The following WDR11 variants were observed in gnomAD, a reference collection of about 807,000 sequenced individuals.
WDR11 encodes WD repeat-containing protein 11.
A neutral mutation model predicts 151.2 loss-of-function variants in WDR11; 83 were observed. The observed-to-expected ratio is 0.55, with a 90% CI of 0.46 to 0.66. The LOEUF (loss-of-function observed/expected upper bound fraction) is 0.66, where lower values mean the gene tolerates loss of function less well. Ranked by LOEUF, WDR11 falls within the 30% of genes least tolerant of loss-of-function variation. The pLI is 0.00. For missense variants in WDR11, 1,301 were observed against 1,480.9 expected (o/e 0.88, Z 1.99); for synonymous variants, 484 against 533.1 (o/e 0.91, Z 1.27).
rs564633409 is a variant in WDR11, at chr10:120,890,154, T to G, written c.2343+145T>G. 35 of 642,626 alleles carry G rather than the reference T, an allele frequency of 5.4e-5. No homozygotes were observed. The African/African-American group carries it at 5.5e-4, about 10-fold the overall frequency. 39.8% of individuals were successfully genotyped at this position (642,626 alleles called of 1,614,324 possible). ...CCATAACAAATTATTTTCTTTACTT[T>G]ACAGTATTTGTGTTCTAAAGGTAAC... is the stretch of plus-strand genomic sequence containing the variant. On this transcript the variant is annotated intron_variant, in intron 18 of 28. Transcript: ENST00000263461.
chr10:120,890,886 C>A lies in WDR11; in HGVS notation c.2514C>A (p.Thr838=). 3 of 1,614,080 alleles carry A rather than the reference C, an allele frequency of 1.9e-6. No individual in the cohort carries two copies. Among genetic ancestry groups the A allele is most frequent in the Non-Finnish European group, 2.5e-6 (3 of 1,179,996 alleles). The part of the protein sequence containing the change: ...ACFRMDEQEL[T]EPVWCPYLLV... ...TTAGAATGGATGAACAAGAGTTAAC[C>A]GGTATGGAATCCTAATGATAGGGGG... Residue 838 remains threonine (T), a splice_region_variant and synonymous_variant, in exon 19 of 29, where the codon ACC becomes ACA. Coordinates refer to ENST00000263461, the MANE Select transcript of WDR11 (RefSeq NM_018117.12).
In WDR11 at chr10:120,866,935, AC is replaced by A. The variant is rs1368968858; in HGVS notation, c.1191-129del. 1.1e-5 allele frequency: 11 copies of A among 1,041,346 alleles called. No homozygotes were observed. In the Admixed American group the frequency reaches 2.1e-4, roughly 20 times the overall value. The allele number at this position is 1,041,346 out of a possible 1,614,324, so 64.5% of individuals were successfully genotyped here. ...TATGTAAATCTGCTAGAGCTATTTC[AC>A]CTATGGGTAAGATGAATGAATAATA... On this transcript the variant is annotated intron_variant, in intron 8 of 28. Coordinates refer to ENST00000263461, the MANE Select transcript of WDR11 (RefSeq NM_018117.12).
At chr10:120,880,671 G>GA in intron 12 of WDR11, 155 bp from the exon 13 acceptor site, 3 of 709,438 alleles carry the variant, frequency 4.2e-6, no homozygotes, top group South Asian at 1.8e-5. Context: ...AAAAAAACCC[G>GA]AAAAAACAGA....
chr10:120,900,266 A>C, intron 20 of WDR11, 129 bp downstream of exon 20: 1 of 841,172 alleles, frequency 1.2e-6, no homozygotes. Flanking sequence ...GAAGGCAGAG[A>C]CACTACAGAA....
Position 120,885,999 on chromosome 10 carries a change from G to C in WDR11, c.1973+61G>C, listed in dbSNP as rs1198393203. ...CCATTAGCATCATGTCTGGGAAGTT[G>C]ACAAGTATCATCGGAAGGTGTCTAT... is the stretch of plus-strand genomic sequence containing the variant. On this transcript the variant is annotated intron_variant, in intron 15 of 28. Coordinates refer to ENST00000263461, the MANE Select transcript of WDR11 (RefSeq NM_018117.12). 4 of 1,605,996 alleles carry C rather than the reference G, an allele frequency of 2.5e-6. No individual in the cohort carries two copies. In the African/African-American group the frequency reaches 4.0e-5, roughly 16 times the overall value.
In WDR11 at chr10:120,889,123, T is replaced by TA. The variant is rs1564713717; in HGVS notation, c.2167_2168insA (p.Leu723TyrfsTer39). On this transcript the variant is annotated frameshift_variant, in exon 17 of 29. Coordinates refer to ENST00000263461, the MANE Select transcript of WDR11 (RefSeq NM_018117.12). LOFTEE classifies it high-confidence loss of function. ...CTGCATCGCTTGGAAAGGTGATACA[T>TA]TAGTGCTTGGAGATATGGATGGAAA... 4 of 1,614,036 alleles carry TA rather than the reference T, an allele frequency of 2.5e-6. No individual in the cohort carries two copies. In the Admixed American group the frequency reaches 6.7e-5, roughly 27 times the overall value.
chr10:120,878,550 G>T, intron 12 of WDR11, 91 bp downstream of exon 12: 3 of 1,061,832 alleles, frequency 2.8e-6, no homozygotes, highest in South Asian at 2.8e-5. Context: ...TTTCACCTTG[G>T]AATTTTTTTT....
intron 9 of WDR11, among the ~76,000 whole-genome samples, chr10:120,870,829 T>G (rs1466189677): frequency 6.6e-6 from 1 of 152,224 alleles, no homozygotes; most frequent in Non-Finnish European, 1.5e-5. Flanking sequence ...CTGCAGAAAC[T>G]GTTCTCTAAT....
intron 9 of WDR11, among the ~76,000 whole-genome samples, chr10:120,868,170 T>C (rs1653760163): frequency 6.6e-6 from 1 of 152,164 alleles, no homozygotes; most frequent in African/African-American, 2.4e-5. Context: ...AGAAAGAGCA[T>C]TGGCCAGGCG....
intron 27 of WDR11, 66 bp downstream of exon 27, chr10:120,906,087 G>A (rs41317018): frequency 1.2e-4 from 194 of 1,611,518 alleles, no homozygotes; most frequent in Non-Finnish European, 1.5e-4. Flanking sequence ...GTTCTCTCGC[G>A]GTTCTAGCAG....
At chr10:120,887,548 A>G (rs1847264004) in intron 16 of WDR11, among the ~76,000 whole-genome samples, 1 of 152,220 alleles carries the variant, frequency 6.6e-6, no homozygotes, top group Non-Finnish European at 1.5e-5. Context: ...CCATAATTTT[A>G]TAGGTGGCTT....
intron 12 of WDR11, chr10:120,880,171 C>T (rs866923236): frequency 6.6e-6 from 1 of 152,154 alleles, no homozygotes; most frequent in Non-Finnish European, 1.5e-5. Context: ...TCGCACCAGA[C>T]AATTGCTGTA....
At chr10:120,879,614 G>A (rs1482653373) in intron 12 of WDR11, 1 of 152,216 alleles carries the variant, frequency 6.6e-6, no homozygotes, top group Admixed American at 6.5e-5. Flanking sequence ...AACATCTACA[G>A]TAACAGTTAC....
At chr10:120,904,852 G>A in intron 25 of WDR11, 41 bp downstream of exon 25, 2 of 1,611,600 alleles carry the variant, frequency 1.2e-6, no homozygotes. Context: ...TCTGAAAAAT[G>A]AGACCTTGTT....
chr10:120,880,924 A>G, intron 13 of WDR11, 23 bp downstream of exon 13: 1 of 1,565,128 alleles, frequency 6.4e-7, no homozygotes, highest in Non-Finnish European at 8.7e-7. Flanking sequence ...CTAAAAAAAA[A>G]TCTATGGTGT....
chr10:120,902,431 C>A, intron 22 of WDR11, 109 bp downstream of exon 22: 3 of 888,586 alleles, frequency 3.4e-6, no homozygotes, highest in South Asian at 1.5e-5. Context: ...TGTATCAGTT[C>A]ATCCTTTAGA....
intron 2 of WDR11, among the ~76,000 whole-genome samples, chr10:120,857,932 C>A (rs1015571965): frequency 6.6e-6 from 1 of 152,070 alleles, no homozygotes; most frequent in African/African-American, 2.4e-5. Context: ...GTAGTAAATG[C>A]TTTGAAGAAA....
rs1846270635 is a variant in WDR11, at chr10:120,865,214, T to A, written c.879+2T>A. The A allele has an allele frequency of 6.2e-7, 1 of 1,613,458 alleles. No homozygotes were observed. Among genetic ancestry groups the A allele is most frequent in the African/African-American group, 1.3e-5 (1 of 74,942 alleles). ...CGCACAGGAGTTCCATTTTTACAGGTATCTACAATTCATAAATTATATTCC... is the reference window on the plus strand; with the variant it reads ...CGCACAGGAGTTCCATTTTTACAGGAATCTACAATTCATAAATTATATTCC... On this transcript the variant is annotated splice_donor_variant, in intron 6 of 28. Transcript: ENST00000263461. LOFTEE classifies it high-confidence loss of function.
At chr10:120,889,476 G>GA (rs1847344851) in intron 17 of WDR11, 1 of 398,828 alleles carries the variant, frequency 2.5e-6, no homozygotes, top group Non-Finnish European at 4.7e-6. Context: ...TCCTGACCTC[G>GA]TGATCCGCCC....
Sources: allele counts gnomAD v4.1 joint callset (sites outside exome capture counted in the v4.1 genomes callset), GRCh38; gene constraint gnomAD v4.1.1; transcripts MANE v1.5; gene names NCBI Gene and HGNC (gene_info 2026-07-23, HGNC 2026-07-21).